CDH6: variants seen among roughly 807,000 people sequenced by gnomAD.
CDH6 encodes the protein cadherin 6, also known as cadherin-6.
CDH6 carries 31 observed loss-of-function variants against 78.0 expected under a neutral mutation model. The ratio of observed to expected loss-of-function variants is 0.40; its 90% CI spans 0.30 to 0.54. The LOEUF is 0.54. Ranked by LOEUF, CDH6 falls within the 20% of genes least tolerant of loss-of-function variation. CDH6 has a pLI of 0.56. For synonymous variants in CDH6, 376 were observed against 368.8 expected, an observed-to-expected ratio of 1.02 and a Z score of -0.23; for missense variants, 724 against 975.9, an observed-to-expected ratio of 0.74 and a Z score of 3.44.
At chr5:31,229,857 C>T (rs931521862) in intron 1 of CDH6, among the ~76,000 whole-genome samples, 14 of 152,096 alleles carry the variant, frequency 9.2e-5, no homozygotes, top group African/African-American at 3.1e-4. Flanking sequence ...CCCTTGGTGA[C>T]GTAAGGGACT....
In CDH6 at chr5:31,311,252, G is replaced by A. The variant is rs372537422; in HGVS notation, c.1254-2066G>A. On this transcript the variant is annotated intron_variant, in intron 7 of 11. Coordinates refer to ENST00000265071, the MANE Select transcript of CDH6 (RefSeq NM_004932.4). ...AGTTCAAAGTTCCACAGATTCTAGC[G>A]TAGAGGCAAAACACCACCAGTCTCT... 5.9e-4 allele frequency among the ~76,000 whole-genome samples: 90 copies of A among 152,272 alleles called. 1 individual carries two copies. The East Asian group carries it at 0.014, about 24-fold the overall frequency.
Position 31,302,104 on chromosome 5 carries a change from T to C in CDH6, c.812-7T>C. 1 of 1,592,430 alleles carries C rather than the reference T, an allele frequency of 6.3e-7. No homozygotes were observed. Among genetic ancestry groups the C allele is most frequent in the Non-Finnish European group, 8.6e-7 (1 of 1,163,484 alleles). Reference sequence around the variant, plus strand: ...TGTTTGACTTATATCTGTCTGGTGATTAATAGGTACATACCAGTTTAAAAC... The same window carrying C: ...TGTTTGACTTATATCTGTCTGGTGACTAATAGGTACATACCAGTTTAAAAC... On this transcript the variant is annotated splice_polypyrimidine_tract_variant and splice_region_variant and intron_variant, in intron 5 of 11. Transcript: ENST00000265071.
intron 1 of CDH6, among the ~76,000 whole-genome samples, chr5:31,261,926 AT>A (rs1462672102): frequency 2.6e-5 from 4 of 152,226 alleles, no homozygotes; most frequent in Non-Finnish European, 5.9e-5. Flanking sequence ...AATAAAAAAA[AT>A]TCTAATTAGC....
chr5:31,264,377 T>C (rs1176594487), intron 1 of CDH6, among the ~76,000 whole-genome samples: 2 of 152,332 alleles, frequency 1.3e-5, no homozygotes, highest in East Asian at 3.9e-4. Context: ...ATGGTTTGCA[T>C]GTAATGCCTC....
chr5:31,298,873 A>G (rs564672403), intron 4 of CDH6, among the ~76,000 whole-genome samples: 11 of 152,318 alleles, frequency 7.2e-5, no homozygotes, highest in Non-Finnish European at 1.6e-4. Context: ...AAAATTCTCT[A>G]GAATCATACA....
At chr5:31,249,406 C>T (rs1362974911) in intron 1 of CDH6, 1 of 152,194 alleles carries the variant, frequency 6.6e-6, no homozygotes, top group African/African-American at 2.4e-5. Flanking sequence ...CCACTGACCT[C>T]AATCAACTGA....
At chr5:31,222,300 C>A (rs1166390258) in intron 1 of CDH6, among the ~76,000 whole-genome samples, 1 of 152,068 alleles carries the variant, frequency 6.6e-6, no homozygotes, top group Admixed American at 6.5e-5. Flanking sequence ...AGAATGTAAT[C>A]CTGCCACCTT....
chr5:31,205,437 C>T (rs1320606111), intron 1 of CDH6, among the ~76,000 whole-genome samples: 2 of 152,128 alleles, frequency 1.3e-5, no homozygotes, highest in Non-Finnish European at 2.9e-5. Flanking sequence ...TCCAGGCAGG[C>T]GTTTTATTAA....
rs1485102511 is a variant in CDH6 at position 31,302,721 on chromosome 5, A to AG, written c.999+423_999+424insG. On this transcript the variant is annotated intron_variant, in intron 6 of 11. Transcript: ENST00000265071. ...GAGTGAGACTCTGAAAAAAAAAAAA[A>AG]AAGAAGAAAGAAGGAAGGAAGGAAG... 3.4e-4 allele frequency among the ~76,000 whole-genome samples: 49 copies of AG among 144,770 alleles called. 1 individual carries two copies. The highest frequency in any genetic ancestry group is 1.2e-3 in the African/African-American group (48 of 39,890). The allele number at this position is 144,770 out of a possible 152,430, so 95.0% of individuals were successfully genotyped here.
At chr5:31,217,458 G>C (rs935058124) in intron 1 of CDH6, among the ~76,000 whole-genome samples, 1 of 151,982 alleles carries the variant, frequency 6.6e-6, no homozygotes, top group African/African-American at 2.4e-5. Context: ...CTACTAATGC[G>C]TCATAACCAA....
intron 2 of CDH6, among the ~76,000 whole-genome samples, chr5:31,278,243 A>C (rs963537561): frequency 1.3e-5 from 2 of 152,182 alleles, no homozygotes; most frequent in African/African-American, 2.4e-5. Flanking sequence ...ATATAAACCA[A>C]GTGTGTTATG....
intron 11 of CDH6, among the ~76,000 whole-genome samples, chr5:31,322,161 T>C (rs933114123): frequency 6.6e-6 from 1 of 152,228 alleles, no homozygotes; most frequent in African/African-American, 2.4e-5. Flanking sequence ...ATATGGCATG[T>C]GGATTCTTAC....
Position 31,230,410 on chromosome 5 carries a change from A to G in CDH6, c.-129+36524A>G, listed in dbSNP as rs1741282722. Among the ~76,000 whole-genome samples the G allele has an allele frequency of 2.0e-5, 3 of 152,170 alleles. No individual in the cohort carries two copies. The South Asian group carries it at 6.2e-4, about 32-fold the overall frequency. ...ATTTTCCTTCACTTACTAGAAAAAG[A>G]GTCTCTGAGAGTATGTATTAAAGTA... On this transcript the variant is annotated intron_variant, in intron 1 of 11. Coordinates refer to ENST00000265071, the MANE Select transcript of CDH6 (RefSeq NM_004932.4).
intron 1 of CDH6, among the ~76,000 whole-genome samples, chr5:31,264,915 C>T (rs1742300595): frequency 1.3e-5 from 2 of 152,268 alleles, no homozygotes; most frequent in South Asian, 4.1e-4. Context: ...CAAGTGGCAA[C>T]AGCTTGTAGA....
chr5:31,239,447 G>A (rs1203623428), intron 1 of CDH6, among the ~76,000 whole-genome samples: 1 of 152,084 alleles, frequency 6.6e-6, no homozygotes, highest in Admixed American at 6.6e-5. Flanking sequence ...CTGTTATAGT[G>A]GAAGTTTACT....
intron 1 of CDH6, among the ~76,000 whole-genome samples, chr5:31,239,353 A>G (rs1431522144): frequency 6.6e-6 from 1 of 152,174 alleles, no homozygotes; most frequent in Non-Finnish European, 1.5e-5. Context: ...GTTCAGACTT[A>G]TTTTATTGTA....
chr5:31,248,029 T>C (rs574034227), intron 1 of CDH6, among the ~76,000 whole-genome samples: 55 of 152,222 alleles, frequency 3.6e-4, no homozygotes, highest in Non-Finnish European at 7.1e-4. Flanking sequence ...ACCTGTCTTA[T>C]GTAAATGAAG....
At chr5:31,248,965 C>T (rs551138248) in intron 1 of CDH6, among the ~76,000 whole-genome samples, 2 of 152,148 alleles carry the variant, frequency 1.3e-5, no homozygotes, top group African/African-American at 2.4e-5. Flanking sequence ...ATTAGTGTTC[C>T]CTTAAAATAA....
At chr5:31,221,092 A>G (rs1740993563) in intron 1 of CDH6, among the ~76,000 whole-genome samples, 1 of 152,192 alleles carries the variant, frequency 6.6e-6, no homozygotes, top group South Asian at 2.1e-4. Flanking sequence ...CTTGAGCAGA[A>G]TTCGATTTAA....
Sources: gnomAD v4.1 joint callset for allele counts (sites outside exome capture counted in the v4.1 genomes callset) on GRCh38, gnomAD v4.1.1 for gene constraint, MANE v1.5 for transcripts, NCBI Gene and HGNC (gene_info 2026-07-23, HGNC 2026-07-21) for gene names.